The following EPHB1 variants were observed in gnomAD, a reference collection of about 807,000 sequenced individuals.
The protein encoded by EPHB1 is ephrin type-B receptor 1.
A neutral mutation model predicts 94.4 loss-of-function variants in EPHB1; 30 were observed. The ratio of observed to expected loss-of-function variants is 0.32; its 90% CI spans 0.24 to 0.43. The LOEUF (loss-of-function observed/expected upper bound fraction) is 0.43, where lower values mean the gene tolerates loss of function less well. Ranked by LOEUF, EPHB1 falls within the 20% of genes least tolerant of loss-of-function variation. The pLI is 1.00. For synonymous variants in EPHB1, 522 were observed against 489.1 expected (o/e 1.07, Z -0.89); for missense variants, 1,055 against 1,308.3 (o/e 0.81, Z 2.99).
At chr3:134,973,425 C>A (rs202119541) in intron 3 of EPHB1, among the ~76,000 whole-genome samples, 1 of 91,012 alleles carries the variant, frequency 1.1e-5, no homozygotes, top group Non-Finnish European at 2.0e-5. Flanking sequence ...GTCTTCTAGT[C>A]TTTTTTTTTT....
intron 1 of EPHB1, among the ~76,000 whole-genome samples, chr3:134,917,158 G>A (rs570161102): frequency 1.3e-5 from 2 of 152,272 alleles, no homozygotes; most frequent in East Asian, 1.9e-4. Context: ...AGGTCTAGAG[G>A]TCCCCTATAG....
At position 135,221,158 on chromosome 3, in the gene EPHB1, A is replaced by G. The variant is rs116211614; in HGVS notation, c.2346+19469A>G. ...TGGATATTCTACCCTGAGAAATTAG[A>G]AGGGCAAAAGTTTGGCCAAGAAGGG... On this transcript the variant is annotated intron_variant, in intron 12 of 15. Transcript: ENST00000398015. 7.3e-3 allele frequency among the ~76,000 whole-genome samples: 1,106 copies of G among 152,334 alleles called. 9 individuals are homozygous for G. Among genetic ancestry groups the G allele is most frequent in the African/African-American group, 0.025 (1,042 of 41,580 alleles).
chr3:135,168,561 C>T (rs1941719257), intron 9 of EPHB1, among the ~76,000 whole-genome samples: 1 of 152,192 alleles, frequency 6.6e-6, no homozygotes, highest in Admixed American at 6.5e-5. Context: ...TTACCTTCCC[C>T]AACTGGAAAA....
intron 9 of EPHB1, among the ~76,000 whole-genome samples, chr3:135,178,922 C>T (rs747301779): frequency 2.0e-5 from 3 of 152,208 alleles, no homozygotes; most frequent in Non-Finnish European, 4.4e-5. Flanking sequence ...CCACCCACCA[C>T]CATGTAAACA....
At chr3:135,084,056 A>AT (rs991281549) in intron 3 of EPHB1, among the ~76,000 whole-genome samples, 19 of 151,932 alleles carry the variant, frequency 1.3e-4, no homozygotes, top group African/African-American at 3.4e-4. Flanking sequence ...TCAAGAATAG[A>AT]TTTTTTTTCT....
At chr3:134,832,658 A>G (rs1173124261) in intron 1 of EPHB1, among the ~76,000 whole-genome samples, 1 of 152,248 alleles carries the variant, frequency 6.6e-6, no homozygotes, top group Non-Finnish European at 1.5e-5. Context: ...AATCTCACTT[A>G]TCACAAATTG....
chr3:135,241,446 T>A, intron 13 of EPHB1, 149 bp downstream of exon 13: 11 of 1,017,712 alleles, frequency 1.1e-5, no homozygotes, highest in Non-Finnish European at 1.6e-5. Flanking sequence ...ACCCTTAGCA[T>A]GGATGTTGGA....
At position 134,827,225 on chromosome 3, in the gene EPHB1, G is replaced by C. The variant is rs138676948; in HGVS notation, c.58+31536G>C. 2.4e-3 allele frequency among the ~76,000 whole-genome samples: 366 copies of C among 152,326 alleles called. 1 individual carries two copies. Among genetic ancestry groups the C allele is most frequent in the African/African-American group, 8.2e-3 (341 of 41,568 alleles). On this transcript the variant is annotated intron_variant, in intron 1 of 15. Coordinates refer to ENST00000398015, the MANE Select transcript of EPHB1 (RefSeq NM_004441.5). ...TACAAATTCACACAATTACTATATG[G>C]TAATGCTGGGATCTGGCCAGGTTTC... is the stretch of plus-strand genomic sequence containing the variant.
At chr3:135,049,508 C>T (rs1223363579) in intron 3 of EPHB1, among the ~76,000 whole-genome samples, 1 of 152,230 alleles carries the variant, frequency 6.6e-6, no homozygotes, top group Non-Finnish European at 1.5e-5. Context: ...GTGACCTGGG[C>T]TCCCTCACAG....
chr3:135,100,973 T>C (rs144108439), intron 3 of EPHB1, among the ~76,000 whole-genome samples: 14 of 152,118 alleles, frequency 9.2e-5, no homozygotes, highest in African/African-American at 3.4e-4. Context: ...AGGGGTGCCA[T>C]CAAAAAGCCT....
chr3:135,052,860 CAAAAAAAAA>C (rs1193207059), intron 3 of EPHB1, among the ~76,000 whole-genome samples: 2 of 12,092 alleles, frequency 1.7e-4, no homozygotes, highest in South Asian at 7.5e-3. Context: ...GACTCCGTCT[CAAAAAAAAA>C]AAAAAAAAAA....
intron 2 of EPHB1, among the ~76,000 whole-genome samples, chr3:134,938,000 A>G (rs2039042039): frequency 7.3e-6 from 1 of 137,278 alleles, no homozygotes; most frequent in African/African-American, 2.8e-5. Context: ...TGAGTTGGGG[A>G]AATGGGAAAG....
chr3:135,145,810 C>A (rs1267630381), intron 5 of EPHB1, among the ~76,000 whole-genome samples: 1 of 152,112 alleles, frequency 6.6e-6, no homozygotes, highest in Non-Finnish European at 1.5e-5. Flanking sequence ...CTGACTCAAC[C>A]CTGCCGAGTC....
At chr3:135,048,618 A>G (rs1937078090) in intron 3 of EPHB1, among the ~76,000 whole-genome samples, 1 of 152,152 alleles carries the variant, frequency 6.6e-6, no homozygotes, top group Admixed American at 6.5e-5. Flanking sequence ...TTTGAAGCAG[A>G]TGTCATGAAG....
chr3:134,827,363 G>A (rs1212196413), intron 1 of EPHB1, among the ~76,000 whole-genome samples: 1 of 150,770 alleles, frequency 6.6e-6, no homozygotes, highest in East Asian at 2.0e-4. Context: ...GGGTGCGCGT[G>A]CACACACACA....
At chr3:135,162,850 G>A (rs1182412500) in intron 7 of EPHB1, among the ~76,000 whole-genome samples, 1 of 152,180 alleles carries the variant, frequency 6.6e-6, no homozygotes, top group African/African-American at 2.4e-5. Flanking sequence ...TTTCCCAGTA[G>A]CCTCAGCATT....
intron 12 of EPHB1, among the ~76,000 whole-genome samples, chr3:135,214,298 G>A (rs1943094831): frequency 6.6e-6 from 1 of 152,066 alleles, no homozygotes; most frequent in Admixed American, 6.6e-5. Flanking sequence ...GGTGGTTGCT[G>A]CCCCTCTTTC....
chr3:134,841,226 TAGCC>T (rs777565813), intron 1 of EPHB1, among the ~76,000 whole-genome samples: 8 of 152,140 alleles, frequency 5.3e-5, no homozygotes. Context: ...TGGCAGGCAG[TAGCC>T]AGGACATCTC....
intron 1 of EPHB1, among the ~76,000 whole-genome samples, chr3:134,816,413 T>C (rs534085591): frequency 3.3e-5 from 5 of 152,102 alleles, no homozygotes; most frequent in African/African-American, 9.6e-5. Context: ...CCTGAAGCAG[T>C]TGAGTGTTGG....
Sources: gnomAD v4.1 joint callset for allele counts (sites outside exome capture counted in the v4.1 genomes callset) on GRCh38, gnomAD v4.1.1 for gene constraint, MANE v1.5 for transcripts, NCBI Gene and HGNC (gene_info 2026-07-23, HGNC 2026-07-21) for gene names.